Variants in C1orf21 observed in about 807,000 individuals in gnomAD.
The protein encoded by C1orf21 is uncharacterized protein C1orf21.
Under a neutral mutation model 18.7 loss-of-function variants are expected in C1orf21, and 3 were observed. The observed-to-expected ratio is 0.16, with a 90% confidence interval of 0.07 to 0.42. The LOEUF is 0.42. C1orf21 is among the 10% of genes least tolerant of loss of function. The pLI is 0.99. For missense variants in C1orf21, 104 were observed against 143.6 expected, an observed-to-expected ratio of 0.72 and a Z score of 1.41; for synonymous variants, 41 against 46.4, an observed-to-expected ratio of 0.88 and a Z score of 0.47.
intron 1 of C1orf21, among the ~76,000 whole-genome samples, chr1:184,414,022 A>G (rs1186679724): frequency 6.6e-6 from 1 of 152,232 alleles, no homozygotes; most frequent in East Asian, 1.9e-4. Context: ...ATATTTATGT[A>G]TACACAGAGA....
At chr1:184,408,113 AG>A (rs1191442547) in intron 1 of C1orf21, among the ~76,000 whole-genome samples, 2 of 152,240 alleles carry the variant, frequency 1.3e-5, no homozygotes, top group Non-Finnish European at 2.9e-5. Flanking sequence ...GACATAAGAC[AG>A]AGCAGCTGGA....
intron 3 of C1orf21, among the ~76,000 whole-genome samples, chr1:184,573,329 G>A (rs928181382): frequency 2.0e-5 from 3 of 152,072 alleles, no homozygotes; most frequent in South Asian, 2.1e-4. Context: ...TTTAGTAGTG[G>A]TATTTCCATT....
chr1:184,444,986 T>C (rs1657007423), intron 1 of C1orf21, among the ~76,000 whole-genome samples: 1 of 152,182 alleles, frequency 6.6e-6, no homozygotes, highest in African/African-American at 2.4e-5. Context: ...GTAGCGTGAC[T>C]TGTGCTGTAA....
chr1:184,573,895 A>G (rs1282150094), intron 3 of C1orf21, among the ~76,000 whole-genome samples: 2 of 152,228 alleles, frequency 1.3e-5, no homozygotes, highest in East Asian at 3.8e-4. Flanking sequence ...CTTTTACTTC[A>G]AAGTAGAAAT....
At chr1:184,564,955 G>A (rs1474999687) in intron 3 of C1orf21, among the ~76,000 whole-genome samples, 1 of 152,120 alleles carries the variant, frequency 6.6e-6, no homozygotes, top group Non-Finnish European at 1.5e-5. Flanking sequence ...AAGGAGACCT[G>A]GATCAAAGGA....
At chr1:184,560,925 G>T (rs1170133340) in intron 3 of C1orf21, among the ~76,000 whole-genome samples, 1 of 152,112 alleles carries the variant, frequency 6.6e-6, no homozygotes, top group African/African-American at 2.4e-5. Context: ...TAATTAGTAC[G>T]CCAGTTATCT....
At chr1:184,434,421 A>C (rs2101972222) in intron 1 of C1orf21, among the ~76,000 whole-genome samples, 1 of 152,340 alleles carries the variant, frequency 6.6e-6, no homozygotes, top group East Asian at 1.9e-4. Flanking sequence ...TTGGCCACCA[A>C]GTGCATGCTA....
chr1:184,598,510 T>G (rs1404895221), intron 5 of C1orf21, 49 bp downstream of exon 5: 16 of 1,498,612 alleles, frequency 1.1e-5, no homozygotes, highest in Non-Finnish European at 1.5e-5. Context: ...AGTATAGTAA[T>G]GGCTTCATAT....
intron 3 of C1orf21, among the ~76,000 whole-genome samples, chr1:184,564,811 C>T (rs1659013131): frequency 6.6e-6 from 1 of 152,154 alleles, no homozygotes; most frequent in South Asian, 2.1e-4. Flanking sequence ...ATTCAGCTAT[C>T]ACAGGACACA....
At chr1:184,595,780 T>C (rs1268921389) in intron 4 of C1orf21, among the ~76,000 whole-genome samples, 7 of 152,196 alleles carry the variant, frequency 4.6e-5, no homozygotes, top group Admixed American at 4.6e-4. Flanking sequence ...TCAAGCTTCC[T>C]TCCATTCAGT....
At chr1:184,407,510 A>G (rs1456656626) in intron 1 of C1orf21, among the ~76,000 whole-genome samples, 3 of 152,210 alleles carry the variant, frequency 2.0e-5, no homozygotes, top group African/African-American at 7.2e-5. Context: ...CCCACGGGTC[A>G]CATCCTGAGT....
At chr1:184,482,111 C>T (rs1325938398) in intron 2 of C1orf21, among the ~76,000 whole-genome samples, 1 of 152,160 alleles carries the variant, frequency 6.6e-6, no homozygotes, top group Non-Finnish European at 1.5e-5. Context: ...TGAAACATAA[C>T]CAGCTTATTA....
chr1:184,419,865 G>T (rs1482649190), intron 1 of C1orf21, among the ~76,000 whole-genome samples: 1 of 152,166 alleles, frequency 6.6e-6, no homozygotes, highest in Non-Finnish European at 1.5e-5. Context: ...GGAGGCAAGG[G>T]CACAGCGCCA....
At chr1:184,606,978 T>A (rs999474984) in intron 5 of C1orf21, among the ~76,000 whole-genome samples, 2 of 152,234 alleles carry the variant, frequency 1.3e-5, no homozygotes, top group Non-Finnish European at 2.9e-5. Flanking sequence ...TTCTGAACAT[T>A]GCTTGAAAAA....
intron 5 of C1orf21, among the ~76,000 whole-genome samples, chr1:184,600,729 AAG>A (rs1446090382): frequency 6.6e-6 from 1 of 152,222 alleles, no homozygotes; most frequent in East Asian, 1.9e-4. Context: ...TTTACATTGG[AAG>A]AAGAGCTCCT....
intron 1 of C1orf21, among the ~76,000 whole-genome samples, chr1:184,463,829 A>T (rs2101985078): frequency 6.6e-6 from 1 of 152,370 alleles, no homozygotes; most frequent in East Asian, 1.9e-4. Context: ...CAACATGGAT[A>T]GGTGAGGAAT....
intron 1 of C1orf21, among the ~76,000 whole-genome samples, chr1:184,432,153 C>G (rs1258439222): frequency 4.6e-5 from 7 of 152,102 alleles, no homozygotes; most frequent in Admixed American, 2.6e-4. Flanking sequence ...ACCATTTGAC[C>G]CAGCAATCCC....
intron 3 of C1orf21, among the ~76,000 whole-genome samples, chr1:184,570,736 G>C (rs1378654909): frequency 6.6e-6 from 1 of 152,150 alleles, no homozygotes; most frequent in Non-Finnish European, 1.5e-5. Flanking sequence ...AGAACATCTT[G>C]CCAGATGTAA....
chr1:184,525,459 G>A (rs1056172050), intron 3 of C1orf21, among the ~76,000 whole-genome samples: 1 of 151,808 alleles, frequency 6.6e-6, no homozygotes, highest in Admixed American at 6.6e-5. Context: ...GAAATCATCC[G>A]TATCATCACT....
Sources: allele counts gnomAD v4.1 joint callset (sites outside exome capture counted in the v4.1 genomes callset), GRCh38; gene constraint gnomAD v4.1.1; transcripts MANE v1.5; gene names NCBI Gene and HGNC (gene_info 2026-07-23, HGNC 2026-07-21).